COL4A3: variants seen among roughly 807,000 people sequenced by gnomAD.
COL4A3 encodes collagen type IV alpha 3 chain.
In COL4A3, 135 loss-of-function variants were observed where a neutral mutation model predicts 217.4. That is an observed-to-expected ratio of 0.62 (90% CI 0.54 to 0.72). The LOEUF (loss-of-function observed/expected upper bound fraction) is 0.72, where lower values mean the gene tolerates loss of function less well. Among genes scored for constraint, COL4A3 ranks in the 30% least tolerant of loss-of-function variants. The probability of loss-of-function intolerance (pLI) is 0.00; values close to 1 mark genes in which losing one functional copy is unlikely to be tolerated. For missense variants in COL4A3, 1,868 were observed against 2,119.9 expected (o/e 0.88, Z 2.33); for synonymous variants, 690 against 736.3 (o/e 0.94, Z 1.02).
At chr2:227,258,088 A>G (rs1277028170) in intron 18 of COL4A3, among the ~76,000 whole-genome samples, 2 of 152,226 alleles carry the variant, frequency 1.3e-5, no homozygotes, top group Admixed American at 6.5e-5. Flanking sequence ...CCCAGTGGAC[A>G]TGTATTTGAT....
chr2:227,249,642 G>C (rs1350936457), intron 9 of COL4A3, among the ~76,000 whole-genome samples: 4 of 152,104 alleles, frequency 2.6e-5, no homozygotes, highest in African/African-American at 7.2e-5. Flanking sequence ...TTGAAATCCT[G>C]TATGGTGCGC....
At chr2:227,219,141 T>C (rs1160482990) in intron 1 of COL4A3, among the ~76,000 whole-genome samples, 1 of 152,110 alleles carries the variant, frequency 6.6e-6, no homozygotes, top group East Asian at 1.9e-4. Context: ...ATTACAGGCA[T>C]GCACCACCAT....
At position 227,293,183 on chromosome 2, in the gene COL4A3, C is replaced by T. The variant is rs776294626; in HGVS notation, c.3211-8C>T. On this transcript the variant is annotated splice_polypyrimidine_tract_variant and splice_region_variant and intron_variant, in intron 37 of 51. Coordinates refer to ENST00000396578, the MANE Select transcript of COL4A3 (RefSeq NM_000091.5). ...TGAGAATTTTAAAGGTATTTGACTA[C>T]ATTTAAGGGGGATCCAGGACTGCCG... 7.4e-6 allele frequency: 12 copies of T among 1,613,784 alleles called. No homozygotes were observed. The highest frequency in any genetic ancestry group is 5.5e-5 in the South Asian group (5 of 91,058).
rs571714001 is a variant in COL4A3, at chr2:227,220,435, G to A, written c.88-17533G>A. On this transcript the variant is annotated intron_variant, in intron 1 of 51. Transcript: ENST00000396578. ...TGACCTCAAGTGATCCACCCGCCTC[G>A]GCCTCCCAAAGTGCTGGGATTGCAG... Among the ~76,000 whole-genome samples, 327 of 151,638 alleles carry A rather than the reference G, an allele frequency of 2.2e-3. 2 individuals carry two copies. Among genetic ancestry groups the A allele is most frequent in the Middle Eastern group, 0.014 (4 of 286 alleles).
At chr2:227,306,104 G>T (rs2073490002) in intron 47 of COL4A3, among the ~76,000 whole-genome samples, 1 of 152,188 alleles carries the variant, frequency 6.6e-6, no homozygotes, top group Admixed American at 6.5e-5. Context: ...TTTTTGAAGT[G>T]ATAAACCATT....
chr2:227,303,822 C>G, intron 44 of COL4A3, 37 bp from the exon 45 acceptor site: 1 of 1,594,792 alleles, frequency 6.3e-7, no homozygotes, highest in African/African-American at 1.3e-5. Context: ...ACCCATTGAT[C>G]TAAGTGGAAT....
intron 37 of COL4A3, among the ~76,000 whole-genome samples, chr2:227,291,562 C>CAA (rs869289707): frequency 8.7e-5 from 3 of 34,388 alleles, no homozygotes; most frequent in African/African-American, 3.5e-4. Context: ...GACTCCGTCT[C>CAA]AAAAAAAAAA....
At chr2:227,220,146 G>GTGTA in intron 1 of COL4A3, among the ~76,000 whole-genome samples, 1 of 147,162 alleles carries the variant, frequency 6.8e-6, no homozygotes, top group East Asian at 2.0e-4. Context: ...ATGTGTGTGT[G>GTGTA]TGTGTGTGTG....
chr2:227,248,518 C>G lies in COL4A3; in HGVS notation c.544C>G (p.Gln182Glu), dbSNP rs2069493808. 1.2e-6 allele frequency: 2 copies of G among 1,609,550 alleles called. No individual in the cohort carries two copies. Among genetic ancestry groups the G allele is most frequent in the Non-Finnish European group, 1.7e-6 (2 of 1,176,136 alleles). Residue 182 changes from glutamine to glutamate, a missense_variant and splice_region_variant, in exon 9 of 52, where the codon CAG (glutamine) becomes GAG (glutamate). Around this residue, in one of 2 missense-constraint regions of COL4A3, gnomAD observed 365 missense variants for 333.8 expected, o/e 1.09. Coordinates refer to ENST00000396578, the MANE Select transcript of COL4A3 (RefSeq NM_000091.5). ...CGGGTTGCCAGGGGCTCCAGGACCC[C>G]AGGTACAGCACTTCAGAGAAGGTCC... ...DPGLPGAPGP[Q>E]GLPGPPGFPG... is the part of the protein sequence containing the mutation.
intron 34 of COL4A3, among the ~76,000 whole-genome samples, chr2:227,287,443 A>G (rs112097810): frequency 0.031 from 4,784 of 152,130 alleles, 134 homozygotes; most frequent in Admixed American, 0.045. Context: ...AAAAAAAAAA[A>G]TGTAAAACCC....
rs1203558521 is a variant in COL4A3 at position 227,282,857 on chromosome 2, G to T, written c.2656+325G>T. 1.3e-5 allele frequency among the ~76,000 whole-genome samples: 2 copies of T among 152,178 alleles called. No homozygotes were observed. The highest frequency in any genetic ancestry group is 2.9e-5 in the Non-Finnish European group (2 of 68,034). On this transcript the variant is annotated intron_variant, in intron 32 of 51. Coordinates refer to ENST00000396578, the MANE Select transcript of COL4A3 (RefSeq NM_000091.5). The surrounding 1 kb of genome is among the most constrained non-coding windows in gnomAD (Gnocchi z 4.4). ...CTGTAGCGTTCTTGTGATGTCTTTG[G>T]TGTTGGTGTCAGAGTAATGCTGGTC...
chr2:227,297,635 TG>T, intron 41 of COL4A3, 38 bp from the exon 42 acceptor site: 1 of 1,576,938 alleles, frequency 6.3e-7, no homozygotes, highest in Non-Finnish European at 8.6e-7. Context: ...CCCAAGCATA[TG>T]GGCATTAAAG....
chr2:227,293,036 G>A (rs762135822), intron 37 of COL4A3, 155 bp from the exon 38 acceptor site: 61 of 477,974 alleles, frequency 1.3e-4, no homozygotes, highest in African/African-American at 4.4e-4. Context: ...CCATGTGGCC[G>A]TCTTATTCCC....
intron 36 of COL4A3, among the ~76,000 whole-genome samples, chr2:227,290,289 G>A (rs2072607531): frequency 6.6e-6 from 1 of 152,172 alleles, no homozygotes; most frequent in African/African-American, 2.4e-5. Context: ...CCTGAGGTCA[G>A]GAGTTTGAGA....
chr2:227,283,285 T>C (rs1187053610), intron 32 of COL4A3, among the ~76,000 whole-genome samples: 1 of 152,242 alleles, frequency 6.6e-6, no homozygotes, highest in African/African-American at 2.4e-5. Context: ...CTAAAACAAC[T>C]TAATCGACAC....
Position 227,238,104 on chromosome 2 carries a change from G to A in COL4A3, c.144+80G>A, listed in dbSNP as rs2068800249. 9.8e-6 allele frequency: 9 copies of A among 920,202 alleles called. No homozygotes were observed. In the Admixed American group the frequency reaches 1.5e-4, roughly 16 times the overall value. 57.0% of individuals were successfully genotyped at this position (920,202 alleles called of 1,614,324 possible). On this transcript the variant is annotated intron_variant, in intron 2 of 51. Coordinates refer to ENST00000396578, the MANE Select transcript of COL4A3 (RefSeq NM_000091.5). ...ACTCAACCTTCTTCTTTCATCGGTAGCAGAAAGATCCGCAGTATGTTGTTC... is the reference window on the plus strand; with the variant it reads ...ACTCAACCTTCTTCTTTCATCGGTAACAGAAAGATCCGCAGTATGTTGTTC...
At position 227,309,524 on chromosome 2, in the gene COL4A3, G is replaced by A. The variant is rs979672530; in HGVS notation, c.4755+206G>A. 4.6e-5 allele frequency among the ~76,000 whole-genome samples: 7 copies of A among 152,090 alleles called. No homozygotes were observed. The South Asian group carries it at 1.5e-3, about 32-fold the overall frequency. ...AGTACTAAAAAAGACTTCTCAGGAG[G>A]AGATTACCTACAAATTCTATTATGA... On this transcript the variant is annotated intron_variant, in intron 50 of 51. Coordinates refer to ENST00000396578, the MANE Select transcript of COL4A3 (RefSeq NM_000091.5).
At chr2:227,226,081 G>C (rs2068074918) in intron 1 of COL4A3, among the ~76,000 whole-genome samples, 1 of 152,140 alleles carries the variant, frequency 6.6e-6, no homozygotes, top group Admixed American at 6.5e-5. Flanking sequence ...GGAATATGAG[G>C]ACAGTAGATG....
chr2:227,219,037 C>T (rs2067647641), intron 1 of COL4A3, among the ~76,000 whole-genome samples: 2 of 152,056 alleles, frequency 1.3e-5, no homozygotes, highest in Admixed American at 1.3e-4. Flanking sequence ...CTCTGTCCCC[C>T]AGGCTGGAGT....
Sources: allele counts gnomAD v4.1 joint callset (sites outside exome capture counted in the v4.1 genomes callset), GRCh38; gene constraint gnomAD v4.1.1; regional missense constraint gnomAD v4.1.1; non-coding constraint Gnocchi (gnomAD v3.1); transcripts MANE v1.5; gene names NCBI Gene and HGNC (gene_info 2026-07-23, HGNC 2026-07-21).